The following RNF145 variants were observed in gnomAD, a reference collection of about 807,000 sequenced individuals.
RNF145 encodes the protein ring finger protein 145.
RNF145 carries 12 observed loss-of-function variants against 57.3 expected under a neutral mutation model. The observed-to-expected ratio is 0.21, with a 90% CI of 0.13 to 0.34. The LOEUF (loss-of-function observed/expected upper bound fraction) is 0.34. RNF145 is among the 10% of genes least tolerant of loss of function. The probability of loss-of-function intolerance (pLI) is 1.00; values close to 1 mark genes in which losing one functional copy is unlikely to be tolerated. For synonymous variants in RNF145, 262 were observed against 288.3 expected (o/e 0.91, Z 0.92); for missense variants, 429 against 799.0 (o/e 0.54, Z 5.58).
At chr5:159,191,494 T>G (rs1442168087) in intron 3 of RNF145, among the ~76,000 whole-genome samples, 1 of 152,180 alleles carries the variant, frequency 6.6e-6, no homozygotes, top group Admixed American at 6.5e-5. Flanking sequence ...TAAAACTTAA[T>G]AAAATCCTAT....
Position 159,203,601 on chromosome 5 carries a change from T to C in RNF145, c.17A>G (p.Lys6Arg), listed in dbSNP as rs772990975. The change falls in exon 2 of 11, where the codon AAA becomes AGA. Residue 6 changes from lysine to arginine, a missense_variant. By Grantham distance (26) the Lys-to-Arg change is conservative (BLOSUM62 2). Transcript: ENST00000424310. ...GGCCACATTTAACACTGCCTCCAGTTTCTCCTTTGCAGCCATGTTGTTTTT... is the reference window on the plus strand; with the variant it reads ...GGCCACATTTAACACTGCCTCCAGTCTCTCCTTTGCAGCCATGTTGTTTTT... MAAKE[K>R]LEAVLNVALR... 2.5e-6 allele frequency: 4 copies of C among 1,613,860 alleles called. No homozygotes were observed. In the East Asian group the frequency reaches 6.7e-5, roughly 27 times the overall value.
At chr5:159,165,936 A>G (rs960961076) in intron 8 of RNF145, among the ~76,000 whole-genome samples, 1 of 152,132 alleles carries the variant, frequency 6.6e-6, no homozygotes, top group Admixed American at 6.5e-5. Flanking sequence ...ACATTCTTCT[A>G]CATGTCTCCT....
chr5:159,169,569 C>T, intron 7 of RNF145, 110 bp downstream of exon 7: 1 of 869,080 alleles, frequency 1.2e-6, no homozygotes, highest in Non-Finnish European at 1.7e-6. Flanking sequence ...CAAAAAAAAC[C>T]TCTCCAATTC....
intron 1 of RNF145, among the ~76,000 whole-genome samples, chr5:159,207,115 T>C (rs1262375840): frequency 6.6e-6 from 1 of 152,176 alleles, no homozygotes; most frequent in Non-Finnish European, 1.5e-5. Flanking sequence ...AGAAGTATAA[T>C]GCTGTACAGT....
chr5:159,171,067 T>C (rs1784536243), intron 6 of RNF145, among the ~76,000 whole-genome samples: 1 of 152,168 alleles, frequency 6.6e-6, no homozygotes, highest in African/African-American at 2.4e-5. Flanking sequence ...AGCATCTAAT[T>C]TTACATGGTA....
At chr5:159,162,601 A>AT (rs1249433452) in intron 9 of RNF145, among the ~76,000 whole-genome samples, 1 of 149,838 alleles carries the variant, frequency 6.7e-6, no homozygotes, top group Non-Finnish European at 1.5e-5. Flanking sequence ...CGCCCGGCTA[A>AT]TTTTTTGTAT....
intron 2 of RNF145, among the ~76,000 whole-genome samples, chr5:159,198,851 G>A (rs1785562491): frequency 6.6e-6 from 1 of 151,962 alleles, no homozygotes; most frequent in South Asian, 2.1e-4. Context: ...ACAAGACCTT[G>A]GTATATGCCT....
At chr5:159,159,930 G>A (rs1318442748) in intron 10 of RNF145, among the ~76,000 whole-genome samples, 1 of 152,176 alleles carries the variant, frequency 6.6e-6, no homozygotes, top group Non-Finnish European at 1.5e-5. Flanking sequence ...ACATCTGGGA[G>A]TCAACTTTTA....
At position 159,168,947 on chromosome 5, in the gene RNF145, G is replaced by A. The variant is rs746033475; in HGVS notation, c.1047C>T (p.Val349=). Residue 349 remains valine (V), a synonymous_variant, in exon 8 of 11, where the codon GTC becomes GTT. Transcript: ENST00000424310. ...ACATAGACTGTAGGATAGAAGCTAC[G>A]ACAATGAAAAGGATAATACTGAGCA... ...AFLLSIILFI[V]VASILQSMLE... The A allele has an allele frequency of 9.3e-6, 15 of 1,608,922 alleles. No individual in the cohort carries two copies. The highest frequency in any genetic ancestry group is 8.0e-5 in the African/African-American group (6 of 74,688).
chr5:159,166,361 A>G (rs1195223361), intron 8 of RNF145, among the ~76,000 whole-genome samples: 1 of 152,218 alleles, frequency 6.6e-6, no homozygotes, highest in Non-Finnish European at 1.5e-5. Context: ...ATTAATTCTA[A>G]TATTAATCAT....
intron 9 of RNF145, among the ~76,000 whole-genome samples, chr5:159,162,445 T>TTTG (rs1162015266): frequency 1.9e-4 from 26 of 134,160 alleles, no homozygotes; most frequent in African/African-American, 7.0e-4. Flanking sequence ...TTTTTTTTTT[T>TTTG]GAGACGGAGT....
At chr5:159,197,640 C>T (rs1332460918) in intron 2 of RNF145, among the ~76,000 whole-genome samples, 2 of 152,134 alleles carry the variant, frequency 1.3e-5, no homozygotes, top group Non-Finnish European at 2.9e-5. Flanking sequence ...TTAAAAAATG[C>T]AAGCCAAAAA....
At chr5:159,183,460 C>T (rs1784959669) in intron 3 of RNF145, among the ~76,000 whole-genome samples, 1 of 152,096 alleles carries the variant, frequency 6.6e-6, no homozygotes, top group South Asian at 2.1e-4. Context: ...GTCAACTGTG[C>T]AATATTGAGT....
chr5:159,196,742 T>C (rs1318490383), intron 2 of RNF145, among the ~76,000 whole-genome samples: 2 of 152,218 alleles, frequency 1.3e-5, no homozygotes, highest in Admixed American at 6.5e-5. Context: ...CTCAAATGAC[T>C]TTAGAGGTAT....
At chr5:159,207,102 T>C (rs1244709819) in intron 1 of RNF145, among the ~76,000 whole-genome samples, 2 of 152,148 alleles carry the variant, frequency 1.3e-5, no homozygotes, top group African/African-American at 4.8e-5. Context: ...AGTAATGTCT[T>C]GTAGAAGTAT....
At chr5:159,167,761 G>C (rs757437978) in intron 8 of RNF145, among the ~76,000 whole-genome samples, 2 of 152,146 alleles carry the variant, frequency 1.3e-5, no homozygotes, top group African/African-American at 2.4e-5. Flanking sequence ...TCTGAAACAT[G>C]TCTAATAGTT....
intron 6 of RNF145, among the ~76,000 whole-genome samples, chr5:159,173,397 T>C (rs1396792226): frequency 2.6e-5 from 4 of 152,176 alleles, no homozygotes; most frequent in Non-Finnish European, 5.9e-5. Context: ...ATTTCACCAA[T>C]TACCGGACTC....
At chr5:159,180,447 T>C (rs1450855348) in intron 4 of RNF145, among the ~76,000 whole-genome samples, 2 of 152,008 alleles carry the variant, frequency 1.3e-5, no homozygotes, top group Non-Finnish European at 2.9e-5. Flanking sequence ...ACTGTCTAGT[T>C]CACAAGAAAC....
chr5:159,194,095 T>C (rs1390959679), intron 3 of RNF145, among the ~76,000 whole-genome samples: 2 of 152,204 alleles, frequency 1.3e-5, no homozygotes, highest in Non-Finnish European at 2.9e-5. Context: ...GCTAAAGAGA[T>C]AGAAGGTTAG....
Sources: gnomAD v4.1 joint callset for allele counts (sites outside exome capture counted in the v4.1 genomes callset) on GRCh38, gnomAD v4.1.1 for gene constraint, MANE v1.5 for transcripts, NCBI Gene and HGNC (gene_info 2026-07-23, HGNC 2026-07-21) for gene names.